Variants in PIEZO1 observed in about 807,000 individuals in gnomAD.
The protein encoded by PIEZO1 is piezo type mechanosensitive ion channel component 1 (Er blood group), also known as piezo-type mechanosensitive ion channel component 1.
PIEZO1 carries 296 observed loss-of-function variants against 297.2 expected under a neutral mutation model. The observed-to-expected ratio is 1.00, with a 90% CI of 0.91 to 1.10. PIEZO1 has a LOEUF of 1.10. PIEZO1 is among the 50% of genes least tolerant of loss of function. The pLI, the probability that PIEZO1 is intolerant of heterozygous loss-of-function variation, is 0.00. For synonymous variants in PIEZO1, 2,427 were observed against 1,507.5 expected (o/e 1.61, Z -14.13); for missense variants, 5,018 against 3,455.5 (o/e 1.45, Z -11.34).
Position 88,721,520 on chromosome 16 carries a change from G to A in PIEZO1, c.5403+18C>T. The A allele has an allele frequency of 6.5e-7, 1 of 1,543,716 alleles. No homozygotes were observed. Among genetic ancestry groups the A allele is most frequent in the South Asian group, 1.2e-5 (1 of 83,682 alleles). On this transcript the variant is annotated intron_variant, in intron 38 of 50. Coordinates refer to ENST00000301015, the MANE Select transcript of PIEZO1 (RefSeq NM_001142864.4). ...GGGCCTGCCCAGCCCCGCATTGCCA[G>A]CCAAGGCTCACACTCACCAGCAGCT... is the stretch of plus-strand genomic sequence containing the variant.
chr16:88,721,129 T>C (rs1298468134), intron 39 of PIEZO1, 37 bp downstream of exon 39: 1 of 1,454,326 alleles, frequency 6.9e-7, no homozygotes, highest in Non-Finnish European at 9.1e-7. Context: ...CTCAGAAAAC[T>C]GGGTAGGCAG....
intron 12 of PIEZO1, 29 bp from the exon 13 acceptor site, chr16:88,735,275 G>GC: frequency 4.7e-6 from 7 of 1,481,554 alleles, no homozygotes; most frequent in Non-Finnish European, 6.5e-6. Flanking sequence ...GTCACAGTCA[G>GC]CCGGGGGGCC....
Position 88,734,914 on chromosome 16 carries a change from G to C in PIEZO1, c.1809C>G (p.Val603=), listed in dbSNP as rs1347722982. The C allele has an allele frequency of 1.3e-5, 20 of 1,550,284 alleles. No individual in the cohort carries two copies. The highest frequency in any genetic ancestry group is 1.7e-5 in the Non-Finnish European group (20 of 1,146,972). ...GGCAGAGCAGGAAGAGGAACATGTAGACAATCTTGTAGACCACGAGGCGGC... is the reference window on the plus strand; with the variant it reads ...GGCAGAGCAGGAAGAGGAACATGTACACAATCTTGTAGACCACGAGGCGGC... ...FAGRLVVYKI[V]YMFLFLLCLT... Residue 603 remains valine, a synonymous_variant, in exon 14 of 51, where the codon GTC becomes GTG. Transcript: ENST00000301015.
chr16:88,749,368 G>A lies in PIEZO1; in HGVS notation c.160+16C>T. 4.1e-6 allele frequency: 6 copies of A among 1,458,140 alleles called. No homozygotes were observed. The highest frequency in any genetic ancestry group is 4.5e-6 in the Non-Finnish European group (5 of 1,110,880). 90.3% of individuals were successfully genotyped at this position (1,458,140 alleles called of 1,614,324 possible). ...CCTCCCACCCTGAGAGCGTGGGCAG[G>A]GTCCCCTGGCCTTACCTTGGAGGCC... On this transcript the variant is annotated intron_variant, in intron 2 of 50. Transcript: ENST00000301015.
At chr16:88,783,821 T>TG (rs1908043281) in intron 1 of PIEZO1, among the ~76,000 whole-genome samples, 1 of 152,258 alleles carries the variant, frequency 6.6e-6, no homozygotes, top group African/African-American at 2.4e-5. Flanking sequence ...GCAGTCTGTC[T>TG]GGGAGCCTCA....
intron 2 of PIEZO1, among the ~76,000 whole-genome samples, chr16:88,747,477 T>C (rs759185746): frequency 2.6e-5 from 4 of 151,602 alleles, no homozygotes; most frequent in South Asian, 2.1e-4. Context: ...GATCGTGCCA[T>C]TGCACTCCAG....
At position 88,715,385 on chromosome 16, in the gene PIEZO1, A is replaced by C; in HGVS notation, c.*220T>G. The stretch of plus-strand genomic sequence containing the variant: ...TAAAACATTTTTTAATTAAAAAAAA[A>C]ACTCTACAGTACACGTGGGGGACGG... On this transcript the variant is annotated 3_prime_UTR_variant, in exon 51 of 51. Transcript: ENST00000301015. 1 of 1,093,564 alleles carries C rather than the reference A, an allele frequency of 9.1e-7. No homozygotes were observed. 67.7% of individuals were successfully genotyped at this position (1,093,564 alleles called of 1,614,324 possible). A position where few individuals can be genotyped will look rare whatever the true frequency, so the allele number is the denominator to read the frequency against.
chr16:88,738,576 G>A lies in PIEZO1; in HGVS notation c.626C>T (p.Ala209Val). ...CCTGCCTCGGTGCGTACCTGCCAGT[G>A]CAAGCAGTGTTACGGCCAGGACCCG... ...AGRVLAVTLL[A>V]LAGIAHPSAL... Residue 209 changes from alanine to valine, a missense_variant, in exon 6 of 51, where the codon GCA becomes GTA. Coordinates refer to ENST00000301015, the MANE Select transcript of PIEZO1 (RefSeq NM_001142864.4). 3 of 1,535,222 alleles carry A rather than the reference G, an allele frequency of 2.0e-6. No individual in the cohort carries two copies. The highest frequency in any genetic ancestry group is 1.7e-6 in the Non-Finnish European group (2 of 1,146,460).
chr16:88,726,541 A>G lies in PIEZO1; in HGVS notation c.3796+6T>C. 6.5e-7 allele frequency: 1 copy of G among 1,548,848 alleles called. No homozygotes were observed. Among genetic ancestry groups the G allele is most frequent in the Non-Finnish European group, 8.7e-7 (1 of 1,145,782 alleles). ...GCCCTCCCCCGCCACCGTCCTGGCCACTCACGGTCATAGTAGCCCTTGACG... is the reference window on the plus strand; with the variant it reads ...GCCCTCCCCCGCCACCGTCCTGGCCGCTCACGGTCATAGTAGCCCTTGACG... On this transcript the variant is annotated splice_donor_region_variant and intron_variant, in intron 26 of 50. Transcript: ENST00000301015.
intron 22 of PIEZO1, among the ~76,000 whole-genome samples, chr16:88,728,375 C>T (rs1475568479): frequency 6.6e-6 from 1 of 152,186 alleles, no homozygotes; most frequent in African/African-American, 2.4e-5. Flanking sequence ...GAGGGAACCT[C>T]GCGACACAAA....
intron 4 of PIEZO1, 22 bp from the exon 5 acceptor site, chr16:88,741,638 C>T (rs746090178): frequency 1.3e-6 from 2 of 1,530,448 alleles, no homozygotes; most frequent in Non-Finnish European, 8.7e-7. Flanking sequence ...AGGGAGCAGC[C>T]GCGGTCAGAC....
chr16:88,719,573 C>G lies in PIEZO1; in HGVS notation c.6471+1G>C, dbSNP rs1256633052. 6.4e-7 allele frequency: 1 copy of G among 1,550,526 alleles called. No individual in the cohort carries two copies. The highest frequency in any genetic ancestry group is 2.0e-5 in the Admixed American group (1 of 51,016). ...CCGGCCCCCGCCCTGGGCCCAGGCA[C>G]CTTCTCTGTCTCTCGGCTGCATTTG... is the stretch of plus-strand genomic sequence containing the variant. On this transcript the variant is annotated splice_donor_variant, in intron 44 of 50. Coordinates refer to ENST00000301015, the MANE Select transcript of PIEZO1 (RefSeq NM_001142864.4). LOFTEE classifies it high-confidence loss of function.
At chr16:88,734,270 G>A in intron 16 of PIEZO1, 86 bp downstream of exon 16, 1 of 1,296,136 alleles carries the variant, frequency 7.7e-7, no homozygotes. Context: ...TGGAAGATGT[G>A]GCTCCTGTCC....
At chr16:88,752,412 G>A (rs1348307042) in intron 1 of PIEZO1, among the ~76,000 whole-genome samples, 1 of 152,226 alleles carries the variant, frequency 6.6e-6, no homozygotes, top group African/African-American at 2.4e-5. Flanking sequence ...AGCCCAGGAG[G>A]CTGAGGCCGC....
At chr16:88,768,146 C>T (rs1390284389) in intron 1 of PIEZO1, among the ~76,000 whole-genome samples, 4 of 152,216 alleles carry the variant, frequency 2.6e-5, no homozygotes, top group African/African-American at 4.8e-5. Context: ...GCCAACCTCA[C>T]GGGCCCAACC....
At chr16:88,759,832 C>T (rs1654409368) in intron 1 of PIEZO1, among the ~76,000 whole-genome samples, 1 of 152,192 alleles carries the variant, frequency 6.6e-6, no homozygotes, top group South Asian at 2.1e-4. Flanking sequence ...GCTGCATGGC[C>T]TACCACCCCA....
chr16:88,725,733 C>A, intron 27 of PIEZO1, 49 bp from the exon 28 acceptor site: 1 of 965,362 alleles, frequency 1.0e-6, no homozygotes, highest in Non-Finnish European at 1.6e-6. Context: ...TCGACCCCAG[C>A]AACATGGGCA....
In PIEZO1 at chr16:88,726,437, C is replaced by G. The variant is rs760508379; in HGVS notation, c.3815G>C (p.Arg1272Thr). 5.3e-5 allele frequency: 82 copies of G among 1,550,242 alleles called. No homozygotes were observed. The highest frequency in any genetic ancestry group is 6.9e-5 in the Non-Finnish European group (79 of 1,146,854). Residue 1272 changes from arginine (R) to threonine (T), a missense_variant, in exon 27 of 51, where the codon AGA becomes ACA. Physicochemically the swap from Arg to Thr is moderately conservative, Grantham distance 71 (BLOSUM62 -1). Coordinates refer to ENST00000301015, the MANE Select transcript of PIEZO1 (RefSeq NM_001142864.4). The stretch of plus-strand genomic sequence containing the variant: ...CACAGGCAGCAGGCAGTCCTGGTCT[C>G]TGTCCATCATCTCCTTGGCTGCAAG... ...GYYDPKEMMD[R>T]DQDCLLPVEE... is the part of the protein sequence containing the mutation.
chr16:88,733,180 TG>T, intron 19 of PIEZO1, 97 bp downstream of exon 19: 2 of 1,131,640 alleles, frequency 1.8e-6, no homozygotes, highest in Non-Finnish European at 2.5e-6. Context: ...TCTCCATTGC[TG>T]GCCCCACTGC....
Sources: gnomAD v4.1 joint callset for allele counts (sites outside exome capture counted in the v4.1 genomes callset) on GRCh38, gnomAD v4.1.1 for gene constraint, MANE v1.5 for transcripts, NCBI Gene and HGNC (gene_info 2026-07-23, HGNC 2026-07-21) for gene names.